Variants in RAPGEF4 observed in about 807,000 individuals in gnomAD.
The protein encoded by RAPGEF4 is Rap guanine nucleotide exchange factor 4.
In RAPGEF4, 66 loss-of-function variants were observed where a neutral mutation model predicts 147.9. The ratio of observed to expected loss-of-function variants is 0.45; its 90% CI spans 0.37 to 0.55. The LOEUF (loss-of-function observed/expected upper bound fraction) is 0.55. Ranked by LOEUF, RAPGEF4 falls within the 20% of genes least tolerant of loss-of-function variation. RAPGEF4 has a pLI of 0.00. For synonymous variants in RAPGEF4, 419 were observed against 442.7 expected (o/e 0.95, Z 0.67); for missense variants, 1,071 against 1,257.3 (o/e 0.85, Z 2.24).
At chr2:173,023,122 CAG>C (rs550753770) in intron 23 of RAPGEF4, among the ~76,000 whole-genome samples, 380 of 152,300 alleles carry the variant, frequency 2.5e-3, no homozygotes, top group Non-Finnish European at 4.6e-3. Flanking sequence ...GAGCTAGACA[CAG>C]AGGGTGTGGG....
At chr2:172,850,703 C>T (rs1298196064) in intron 4 of RAPGEF4, among the ~76,000 whole-genome samples, 1 of 152,084 alleles carries the variant, frequency 6.6e-6, no homozygotes, top group Non-Finnish European at 1.5e-5. Context: ...TCCCACTAGC[C>T]AGAACTATCT....
intron 1 of RAPGEF4, among the ~76,000 whole-genome samples, chr2:172,784,674 A>T (rs1444793819): frequency 6.6e-6 from 1 of 152,170 alleles, no homozygotes; most frequent in African/African-American, 2.4e-5. Flanking sequence ...GTGGTTAATA[A>T]TCATATAATT....
intron 1 of RAPGEF4, among the ~76,000 whole-genome samples, chr2:172,737,672 T>C (rs557179644): frequency 2.0e-5 from 3 of 151,864 alleles, no homozygotes; most frequent in Non-Finnish European, 4.4e-5. Context: ...GGTGCCCCCA[T>C]TTAATGCCAC....
At chr2:172,833,219 A>AT (rs397706047) in intron 4 of RAPGEF4, among the ~76,000 whole-genome samples, 3 of 149,204 alleles carry the variant, frequency 2.0e-5, no homozygotes, top group Admixed American at 6.7e-5. Context: ...AAAAAAAAAA[A>AT]TCCAAAAAAG....
chr2:172,773,141 A>C (rs1285801468), intron 1 of RAPGEF4, among the ~76,000 whole-genome samples: 1 of 152,196 alleles, frequency 6.6e-6, no homozygotes, highest in African/African-American at 2.4e-5. Flanking sequence ...ACACAAGTTC[A>C]TAAGTATCTG....
Position 173,027,196 on chromosome 2 carries a change from G to T in RAPGEF4, c.2495G>T (p.Cys832Phe). 6.2e-7 allele frequency: 1 copy of T among 1,613,386 alleles called. No individual in the cohort carries two copies. The highest frequency in any genetic ancestry group is 8.5e-7 in the Non-Finnish European group (1 of 1,179,828). The change falls in exon 25 of 31, where the codon TGC becomes TTC. Residue 832 changes from cysteine (C) to phenylalanine (F), a missense_variant. Cys to Phe is a radical substitution (Grantham distance 205). Coordinates refer to ENST00000397081, the MANE Select transcript of RAPGEF4 (RefSeq NM_007023.4). ...EIQFWVVTEI[C>F]LCSQLSKRVQ... is the part of the protein sequence containing the mutation. ...CAGTTTTGGGTCGTCACTGAGATCT[G>T]CCTTTGTTCTCAGCTCAGCAAGCGT...
intron 19 of RAPGEF4, among the ~76,000 whole-genome samples, chr2:173,016,830 T>C (rs1373683696): frequency 2.6e-5 from 4 of 152,222 alleles, no homozygotes; most frequent in Admixed American, 2.0e-4. Context: ...GGTGAATATT[T>C]GTGTCCTCTC....
At chr2:172,905,806 A>C (rs1361476005) in intron 4 of RAPGEF4, among the ~76,000 whole-genome samples, 1 of 152,250 alleles carries the variant, frequency 6.6e-6, no homozygotes, top group Non-Finnish European at 1.5e-5. Flanking sequence ...GGATGTAATT[A>C]GGTATCACTG....
intron 17 of RAPGEF4, among the ~76,000 whole-genome samples, chr2:173,005,874 G>A (rs1034957758): frequency 2.0e-5 from 3 of 152,066 alleles, no homozygotes; most frequent in African/African-American, 7.2e-5. Context: ...TCTAATAACT[G>A]CCCGAGATCC....
rs1371965010 is a variant in RAPGEF4 at position 172,839,927 on chromosome 2, A to G, written c.444+25502A>G. On this transcript the variant is annotated intron_variant, in intron 4 of 30. Coordinates refer to ENST00000397081, the MANE Select transcript of RAPGEF4 (RefSeq NM_007023.4). ...TGCATATGAAAGGCAGAGTATCAAT[A>G]TAAAAGTTGCTAACATTAAGAGGAA... Among the ~76,000 whole-genome samples the G allele has an allele frequency of 6.6e-5, 10 of 152,328 alleles. No individual in the cohort carries two copies. The East Asian group carries it at 1.9e-3, about 29-fold the overall frequency.
chr2:172,749,289 C>G (rs958709005), intron 1 of RAPGEF4, among the ~76,000 whole-genome samples: 1 of 152,202 alleles, frequency 6.6e-6, no homozygotes, highest in African/African-American at 2.4e-5. Context: ...GGGCCCTGCC[C>G]CTGCAGCAAG....
chr2:172,956,831 A>G (rs994239193), intron 6 of RAPGEF4, among the ~76,000 whole-genome samples: 2 of 152,208 alleles, frequency 1.3e-5, no homozygotes, highest in African/African-American at 4.8e-5. Context: ...CTCATATGTA[A>G]TCTCAGTAGG....
chr2:172,911,335 G>A (rs1700073585), intron 4 of RAPGEF4, among the ~76,000 whole-genome samples: 1 of 152,206 alleles, frequency 6.6e-6, no homozygotes, highest in Non-Finnish European at 1.5e-5. Context: ...TAACACGGGG[G>A]AAAGGTTGGA....
At chr2:172,822,052 G>T (rs1447599422) in intron 4 of RAPGEF4, 2 of 1,549,948 alleles carry the variant, frequency 1.3e-6, no homozygotes, top group Non-Finnish European at 1.8e-6. Flanking sequence ...TTTGCATTTT[G>T]GAATTATGCT....
intron 10 of RAPGEF4, among the ~76,000 whole-genome samples, chr2:172,968,783 T>C (rs746797463): frequency 3.9e-5 from 6 of 152,166 alleles, no homozygotes; most frequent in African/African-American, 1.4e-4. Context: ...TGAAGGATCA[T>C]AGGAGAGCAT....
chr2:172,915,819 A>G (rs1329291374), intron 4 of RAPGEF4, among the ~76,000 whole-genome samples: 1 of 152,002 alleles, frequency 6.6e-6, no homozygotes, highest in Non-Finnish European at 1.5e-5. Context: ...ATTGAAGTTG[A>G]ATGTGGAGTA....
At chr2:173,026,131 G>A (rs959436884) in intron 23 of RAPGEF4, among the ~76,000 whole-genome samples, 3 of 152,170 alleles carry the variant, frequency 2.0e-5, no homozygotes, top group Non-Finnish European at 2.9e-5. Flanking sequence ...CATGGCCACC[G>A]GCAGCAGGAA....
intron 6 of RAPGEF4, among the ~76,000 whole-genome samples, chr2:172,945,199 C>T (rs903431198): frequency 6.6e-6 from 1 of 151,998 alleles, no homozygotes; most frequent in Non-Finnish European, 1.5e-5. Context: ...GGTTTATGAA[C>T]CTGATCTGAA....
chr2:172,750,616 G>T (rs908565717), intron 1 of RAPGEF4, among the ~76,000 whole-genome samples: 2 of 152,122 alleles, frequency 1.3e-5, no homozygotes. Context: ...GTGCACAGAG[G>T]TTCCCTTTTC....
Sources: allele counts gnomAD v4.1 joint callset (sites outside exome capture counted in the v4.1 genomes callset), GRCh38; gene constraint gnomAD v4.1.1; transcripts MANE v1.5; gene names NCBI Gene and HGNC (gene_info 2026-07-23, HGNC 2026-07-21).